Variants in TSNARE1 observed in about 807,000 individuals in gnomAD.
The protein encoded by TSNARE1 is t-SNARE domain containing 1, also known as t-SNARE domain-containing protein 1.
In TSNARE1, 49 loss-of-function variants were observed where a neutral mutation model predicts 62.0. That is an observed-to-expected ratio of 0.79 (90% CI 0.63 to 1.00). The LOEUF (loss-of-function observed/expected upper bound fraction) is 1.00. Among genes scored for constraint, TSNARE1 ranks in the 50% least tolerant of loss-of-function variants. TSNARE1 has a pLI of 0.00. For synonymous variants in TSNARE1, 328 were observed against 294.4 expected (o/e 1.11, Z -1.17); for missense variants, 755 against 700.1 (o/e 1.08, Z -0.88).
In TSNARE1 at chr8:142,300,017, G is replaced by A. The variant is rs79887926; in HGVS notation, c.1290+469C>T. 57 of 154,286 alleles carry A rather than the reference G, an allele frequency of 3.7e-4. No individual in the cohort carries two copies. In the East Asian group the frequency reaches 6.1e-3, roughly 17 times the overall value. 9.6% of individuals were successfully genotyped at this position (154,286 alleles called of 1,614,324 possible). A position where few individuals can be genotyped will look rare whatever the true frequency, so the allele number is the denominator to read the frequency against. On this transcript the variant is annotated intron_variant, in intron 10 of 13. Coordinates refer to ENST00000524325, the MANE Select transcript of TSNARE1 (RefSeq NM_145003.5). ...TGCCCACACTCTACAGTTGTACCCC[G>A]ACAGCTCACCCCACCACCTGCTGGT... is the stretch of plus-strand genomic sequence containing the variant.
At chr8:142,397,055 C>T (rs1837944790) in intron 1 of TSNARE1, among the ~76,000 whole-genome samples, 1 of 139,178 alleles carries the variant, frequency 7.2e-6, no homozygotes, top group African/African-American at 2.7e-5. Flanking sequence ...AGTGGCGAGG[C>T]AGCCCGAGGG....
At chr8:142,371,776 G>T (rs1444944506) in intron 1 of TSNARE1, among the ~76,000 whole-genome samples, 1 of 152,154 alleles carries the variant, frequency 6.6e-6, no homozygotes, top group Admixed American at 6.5e-5. Context: ...TTAAAAAAAA[G>T]AGTATGAATA....
intron 9 of TSNARE1, among the ~76,000 whole-genome samples, chr8:142,313,787 T>C (rs1828057780): frequency 6.6e-6 from 1 of 152,212 alleles, no homozygotes; most frequent in African/African-American, 2.4e-5. Context: ...TTTGTTTTTG[T>C]TTTTGAGACA....
At chr8:142,324,832 G>A (rs763566120) in intron 6 of TSNARE1, among the ~76,000 whole-genome samples, 6 of 152,240 alleles carry the variant, frequency 3.9e-5, no homozygotes, top group Non-Finnish European at 7.3e-5. Context: ...CTCCAGACTC[G>A]AGTGGTTAAT....
chr8:142,280,047 GC>G, intron 11 of TSNARE1: 1 of 1,236,176 alleles, frequency 8.1e-7, no homozygotes, highest in Admixed American at 3.0e-5. Context: ...GGCGGCAGTA[GC>G]CCAGCGCGTT....
intron 1 of TSNARE1, among the ~76,000 whole-genome samples, chr8:142,387,798 C>G (rs1400783830): frequency 6.6e-6 from 1 of 152,106 alleles, no homozygotes; most frequent in Non-Finnish European, 1.5e-5. Flanking sequence ...CACCAGGTCC[C>G]AACAATTTCA....
chr8:142,390,993 C>G (rs1259337788), intron 1 of TSNARE1, among the ~76,000 whole-genome samples: 3 of 145,506 alleles, frequency 2.1e-5, no homozygotes, highest in Non-Finnish European at 4.5e-5. Context: ...CTATAGCAGA[C>G]GCTGTACACT....
chr8:142,354,801 G>C (rs760492045), intron 1 of TSNARE1, 38 bp from the exon 2 acceptor site: 3 of 1,240,432 alleles, frequency 2.4e-6, no homozygotes, highest in Admixed American at 3.5e-5. Flanking sequence ...AGAGGGGGAA[G>C]ACATGGGGAT....
chr8:142,271,026 C>A (rs538738487), intron 12 of TSNARE1: 2 of 985,822 alleles, frequency 2.0e-6, no homozygotes, highest in East Asian at 2.3e-4. Context: ...CTGGACTCAG[C>A]AGGGGAAAGA....
chr8:142,347,716 G>T (rs1382198173), intron 2 of TSNARE1, among the ~76,000 whole-genome samples: 1 of 111,246 alleles, frequency 9.0e-6, no homozygotes, highest in Non-Finnish European at 1.9e-5. Flanking sequence ...CACTGCATCC[G>T]CTCACCCAAG....
At chr8:142,277,254 G>A (rs550003009) in intron 11 of TSNARE1, 2 of 985,380 alleles carry the variant, frequency 2.0e-6, no homozygotes, top group African/African-American at 3.5e-5. Flanking sequence ...GGATACCCAA[G>A]CACTAGGCCA....
chr8:142,290,532 AG>A (rs754400149), intron 10 of TSNARE1, among the ~76,000 whole-genome samples: 57 of 152,226 alleles, frequency 3.7e-4, no homozygotes, highest in Non-Finnish European at 6.9e-4. Flanking sequence ...TTCACTTTCC[AG>A]AACGAGAAGT....
At chr8:142,280,234 G>T (rs1456932078) in intron 11 of TSNARE1, 2 of 985,390 alleles carry the variant, frequency 2.0e-6, no homozygotes, top group East Asian at 2.3e-4. Context: ...CCGCAGGGGT[G>T]TGGAGCCCGG....
chr8:142,291,765 C>T lies in TSNARE1; in HGVS notation c.1291-7280G>A, dbSNP rs1007382811. Among the ~76,000 whole-genome samples the T allele has an allele frequency of 1.2e-4, 19 of 152,216 alleles. No individual in the cohort carries two copies. Among genetic ancestry groups the T allele is most frequent in the African/African-American group, 4.3e-4 (18 of 41,542 alleles). On this transcript the variant is annotated intron_variant, in intron 10 of 13. Transcript: ENST00000524325. This position sits in a 1 kb window ranked among gnomAD's most constrained non-coding sequence, Gnocchi z 4.8. ...TTAGAGGACACCCCTGGAGTCAGGG[C>T]CTGCCAGTGAAAGGGAGCCAGCGGC... is the stretch of plus-strand genomic sequence containing the variant.
intron 4 of TSNARE1, among the ~76,000 whole-genome samples, chr8:142,339,140 TTCAAAA>T (rs1832181454): frequency 6.6e-6 from 1 of 152,022 alleles, no homozygotes; most frequent in East Asian, 1.9e-4. Flanking sequence ...ATGATGGTGC[TTCAAAA>T]TCCACAGAGC....
intron 1 of TSNARE1, among the ~76,000 whole-genome samples, chr8:142,376,884 C>T (rs1166749088): frequency 6.6e-6 from 1 of 152,246 alleles, no homozygotes; most frequent in Non-Finnish European, 1.5e-5. Context: ...CAGCTTCAGG[C>T]TGATCAGCAG....
intron 4 of TSNARE1, among the ~76,000 whole-genome samples, chr8:142,334,250 TG>T (rs1236365109): frequency 2.6e-5 from 4 of 152,246 alleles, no homozygotes; most frequent in African/African-American, 7.2e-5. Flanking sequence ...TTCTACCCCA[TG>T]GCTGTGCTGG....
At chr8:142,391,991 C>T (rs1203191726) in intron 1 of TSNARE1, among the ~76,000 whole-genome samples, 2 of 152,246 alleles carry the variant, frequency 1.3e-5, no homozygotes, top group African/African-American at 4.8e-5. Context: ...GACAACACCT[C>T]CTGAAGGCCC....
At chr8:142,269,620 T>C (rs1819348342) in intron 12 of TSNARE1, 1 of 985,278 alleles carries the variant, frequency 1.0e-6, no homozygotes. Flanking sequence ...TGAGCCACTG[T>C]GCCCAGGCCA....
Sources: allele counts gnomAD v4.1 joint callset (sites outside exome capture counted in the v4.1 genomes callset), GRCh38; gene constraint gnomAD v4.1.1; non-coding constraint Gnocchi (gnomAD v3.1); transcripts MANE v1.5; gene names NCBI Gene and HGNC (gene_info 2026-07-23, HGNC 2026-07-21).